Variants in CDH13 observed in about 807,000 individuals in gnomAD.
The protein encoded by CDH13 is cadherin 13.
CDH13 carries 24 observed loss-of-function variants against 63.8 expected under a neutral mutation model. The ratio of observed to expected loss-of-function variants is 0.38; its 90% CI spans 0.27 to 0.53. The LOEUF (loss-of-function observed/expected upper bound fraction) is 0.53. CDH13 is among the 20% of genes least tolerant of loss of function. The pLI is 0.85. For synonymous variants in CDH13, 503 were observed against 355.3 expected, an observed-to-expected ratio of 1.42 and a Z score of -4.67; for missense variants, 1,049 against 903.1, an observed-to-expected ratio of 1.16 and a Z score of -2.07.
chr16:82,936,251 A>C (rs76522239), intron 2 of CDH13, among the ~76,000 whole-genome samples: 2,745 of 152,240 alleles, frequency 0.018, 43 homozygotes, highest in Non-Finnish European at 0.031. Flanking sequence ...TTAGAAAATT[A>C]TTTGGGGTTG....
intron 10 of CDH13, among the ~76,000 whole-genome samples, chr16:83,700,240 G>T (rs558789705): frequency 5.3e-5 from 8 of 152,144 alleles, no homozygotes; most frequent in African/African-American, 1.9e-4. Flanking sequence ...GGATTCATCC[G>T]TGTTGTCACC....
At chr16:82,941,049 G>T (rs1904280852) in intron 2 of CDH13, among the ~76,000 whole-genome samples, 1 of 152,090 alleles carries the variant, frequency 6.6e-6, no homozygotes, top group Non-Finnish European at 1.5e-5. Context: ...GGAACTTCTG[G>T]CAAACGATAG....
intron 1 of CDH13, among the ~76,000 whole-genome samples, chr16:82,673,278 TCATTCATTCAAC>T (rs1913512700): frequency 6.6e-6 from 1 of 152,172 alleles, no homozygotes; most frequent in Admixed American, 6.5e-5. Context: ...CTTTCCTCTG[TCATTCATTCAAC>T]CATTCATTCA....
At chr16:83,208,113 C>T (rs2039235301) in intron 4 of CDH13, among the ~76,000 whole-genome samples, 2 of 152,084 alleles carry the variant, frequency 1.3e-5, no homozygotes, top group African/African-American at 2.4e-5. Flanking sequence ...CCCTAGGTGG[C>T]GTGAGCACTG....
At chr16:82,817,242 C>G (rs576402398) in intron 1 of CDH13, among the ~76,000 whole-genome samples, 1 of 152,192 alleles carries the variant, frequency 6.6e-6, no homozygotes, top group South Asian at 2.1e-4. Flanking sequence ...CTCTCATAAG[C>G]TTCTATCCAG....
intron 6 of CDH13, among the ~76,000 whole-genome samples, chr16:83,356,225 TGTG>T (rs2091052840): frequency 1.2e-5 from 1 of 84,138 alleles, no homozygotes; most frequent in Non-Finnish European, 2.4e-5. Context: ...TGTGTGTGTG[TGTG>T]TGTGTGTGTG....
chr16:83,429,601 C>T (rs2072029342), intron 6 of CDH13, among the ~76,000 whole-genome samples: 1 of 151,864 alleles, frequency 6.6e-6, no homozygotes, highest in Non-Finnish European at 1.5e-5. Context: ...AAATAAATTA[C>T]CTGGTCTCCA....
At chr16:82,726,834 G>A (rs1256245201) in intron 1 of CDH13, among the ~76,000 whole-genome samples, 1 of 152,136 alleles carries the variant, frequency 6.6e-6, no homozygotes, top group African/African-American at 2.4e-5. Flanking sequence ...ACATCATGAG[G>A]AAAATAGTAT....
rs115659323 is a variant in CDH13, at chr16:83,166,802, G to C, written c.483+41301G>C. 7.4e-3 allele frequency among the ~76,000 whole-genome samples: 1,125 copies of C among 152,260 alleles called. 13 individuals are homozygous for C. Among genetic ancestry groups the C allele is most frequent in the African/African-American group, 0.026 (1,083 of 41,564 alleles). On this transcript the variant is annotated intron_variant, in intron 4 of 13. Coordinates refer to ENST00000567109, the MANE Select transcript of CDH13 (RefSeq NM_001257.5). ...CGTTGGGCATCAAGTAGCTTTTACAGAATGAGGTGTTCTTAGCATTATTAT... is the reference window on the plus strand; with the variant it reads ...CGTTGGGCATCAAGTAGCTTTTACACAATGAGGTGTTCTTAGCATTATTAT...
At chr16:82,997,286 A>T (rs1374172453) in intron 2 of CDH13, among the ~76,000 whole-genome samples, 1 of 152,174 alleles carries the variant, frequency 6.6e-6, no homozygotes, top group African/African-American at 2.4e-5. Flanking sequence ...CTGACAAGCA[A>T]ATGTGTAAAC....
intron 2 of CDH13, among the ~76,000 whole-genome samples, chr16:82,859,954 A>T (rs1030611720): frequency 7.9e-5 from 12 of 152,182 alleles, no homozygotes; most frequent in African/African-American, 2.4e-4. Context: ...GTGAATTCCA[A>T]TATGTGATTT....
intron 1 of CDH13, among the ~76,000 whole-genome samples, chr16:82,794,570 G>A (rs935940732): frequency 3.3e-5 from 5 of 151,704 alleles, no homozygotes; most frequent in African/African-American, 1.2e-4. Flanking sequence ...GTAATACCCC[G>A]CACATTTGGT....
Position 82,915,046 on chromosome 16 carries a change from A to G in CDH13, c.157+56573A>G, listed in dbSNP as rs7187162. On this transcript the variant is annotated intron_variant, in intron 2 of 13. Coordinates refer to ENST00000567109, the MANE Select transcript of CDH13 (RefSeq NM_001257.5). Reference sequence around the variant, plus strand: ...TGGTCTAAACTTTCACTGAATCCTAATCAACTTAATATCCTGTTGCCTTTT... The same window carrying G: ...TGGTCTAAACTTTCACTGAATCCTAGTCAACTTAATATCCTGTTGCCTTTT... Among the ~76,000 whole-genome samples the G allele has an allele frequency of 3.6e-3, 547 of 152,342 alleles. 5 individuals are homozygous for G. The highest frequency in any genetic ancestry group is 0.013 in the African/African-American group (521 of 41,586).
Position 83,125,478 on chromosome 16 carries a change from C to G in CDH13, c.460C>G (p.Pro154Ala), listed in dbSNP as rs1164736342. Reference sequence around the variant, plus strand: ...TTTAATTCCAGAGAATCAGAGACAGCCTTTCCCAAGAGATGTTGGCAAGGT... The same window carrying G: ...TTTAATTCCAGAGAATCAGAGACAGGCTTTCCCAAGAGATGTTGGCAAGGT... ...PILIPENQRQ[P>A]FPRDVGKVVD... Residue 154 changes from proline to alanine, a missense_variant, in exon 4 of 14, where the codon CCT becomes GCT. Pro to Ala is a conservative substitution (Grantham distance 27). Coordinates refer to ENST00000567109, the MANE Select transcript of CDH13 (RefSeq NM_001257.5). 2 of 1,603,390 alleles carry G rather than the reference C, an allele frequency of 1.2e-6. No homozygotes were observed. Among genetic ancestry groups the G allele is most frequent in the Non-Finnish European group, 8.5e-7 (1 of 1,170,452 alleles).
At chr16:83,334,213 G>T (rs1467461410) in intron 5 of CDH13, among the ~76,000 whole-genome samples, 1 of 151,930 alleles carries the variant, frequency 6.6e-6, no homozygotes. Flanking sequence ...GGCCTAGCCA[G>T]ATGCCATATA....
intron 11 of CDH13, among the ~76,000 whole-genome samples, chr16:83,767,756 C>A (rs918115364): frequency 6.6e-6 from 1 of 152,278 alleles, no homozygotes; most frequent in South Asian, 2.1e-4. Flanking sequence ...CAAAAAACTA[C>A]CTACTATATG....
At chr16:83,149,476 G>A (rs1287454675) in intron 4 of CDH13, among the ~76,000 whole-genome samples, 1 of 152,162 alleles carries the variant, frequency 6.6e-6, no homozygotes, top group Non-Finnish European at 1.5e-5. Context: ...GGAACTGAGA[G>A]GGGATATGGT....
intron 2 of CDH13, among the ~76,000 whole-genome samples, chr16:82,880,712 A>T (rs1489801650): frequency 6.6e-6 from 1 of 152,184 alleles, no homozygotes; most frequent in Non-Finnish European, 1.5e-5. Flanking sequence ...CCTTTCTATT[A>T]TACATCAATA....
intron 3 of CDH13, among the ~76,000 whole-genome samples, chr16:83,096,328 C>T (rs562884705): frequency 2.0e-5 from 3 of 152,330 alleles, no homozygotes; most frequent in South Asian, 2.1e-4. Context: ...ATATATCAGA[C>T]ATTATCCCAG....
Sources: allele counts gnomAD v4.1 joint callset (sites outside exome capture counted in the v4.1 genomes callset), GRCh38; gene constraint gnomAD v4.1.1; transcripts MANE v1.5; gene names NCBI Gene and HGNC (gene_info 2026-07-23, HGNC 2026-07-21).